ITSN1: variants seen among roughly 807,000 people sequenced by gnomAD.
The protein encoded by ITSN1 is intersectin 1.
ITSN1 carries 58 observed loss-of-function variants against 239.8 expected under a neutral mutation model. The observed-to-expected ratio is 0.24, with a 90% CI of 0.20 to 0.30. The LOEUF (loss-of-function observed/expected upper bound fraction) is 0.30, where lower values mean the gene tolerates loss of function less well. Ranked by LOEUF, ITSN1 falls within the 10% of genes least tolerant of loss-of-function variation. ITSN1 has a pLI of 1.00. For synonymous variants in ITSN1, 780 were observed against 770.8 expected (o/e 1.01, Z -0.20); for missense variants, 1,558 against 2,103.3 (o/e 0.74, Z 5.07).
At chr21:33,788,236 A>G (rs781560924) in intron 16 of ITSN1, among the ~76,000 whole-genome samples, 82 of 152,088 alleles carry the variant, frequency 5.4e-4, no homozygotes, top group Non-Finnish European at 9.3e-4. Flanking sequence ...ACCTATTACT[A>G]TTGCAGAGAG....
rs777504321 is a variant in ITSN1 at position 33,665,931 on chromosome 21, CT to C, written c.-33+23233del. 9.8e-3 allele frequency among the ~76,000 whole-genome samples: 1,366 copies of C among 139,222 alleles called. 8 individuals carry two copies. The highest frequency in any genetic ancestry group is 0.025 in the African/African-American group (961 of 38,392). The allele number at this position is 139,222 out of a possible 152,430, so 91.3% of individuals were successfully genotyped here. ...AAGAAGGCAATATACTGTATGGTTC[CT>C]TTTTTTTTTTTTTTGAGAGGGAGTC... On this transcript the variant is annotated intron_variant, in intron 1 of 39. Transcript: ENST00000381318.
At chr21:33,729,350 G>A (rs897667688) in intron 4 of ITSN1, among the ~76,000 whole-genome samples, 3 of 151,962 alleles carry the variant, frequency 2.0e-5, no homozygotes, top group Admixed American at 2.0e-4. Flanking sequence ...CTCAGAGGAT[G>A]GGGTGGGAGG....
At chr21:33,883,700 C>A (rs201757486) in intron 36 of ITSN1, 29 bp downstream of exon 36, 3 of 1,607,996 alleles carry the variant, frequency 1.9e-6, no homozygotes, top group Non-Finnish European at 1.7e-6. Context: ...CCAGCATGGG[C>A]CCCAGGGCTC....
chr21:33,855,770 C>T (rs1979207032), intron 29 of ITSN1, among the ~76,000 whole-genome samples: 1 of 152,258 alleles, frequency 6.6e-6, no homozygotes, highest in Admixed American at 6.5e-5. Flanking sequence ...TTGTGCCAGG[C>T]TCTCTGCAGT....
intron 1 of ITSN1, among the ~76,000 whole-genome samples, chr21:33,661,552 G>A (rs999400652): frequency 2.0e-5 from 3 of 152,056 alleles, no homozygotes; most frequent in Non-Finnish European, 2.9e-5. Flanking sequence ...TTGTATCAGT[G>A]TAAATAAAAT....
At chr21:33,746,990 C>T (rs2067222627) in intron 5 of ITSN1, among the ~76,000 whole-genome samples, 1 of 152,150 alleles carries the variant, frequency 6.6e-6, no homozygotes, top group Non-Finnish European at 1.5e-5. Context: ...CCCGTCTCTA[C>T]TAAAAATGCA....
intron 1 of ITSN1, among the ~76,000 whole-genome samples, chr21:33,665,426 A>G (rs889183608): frequency 9.2e-5 from 14 of 152,224 alleles, no homozygotes; most frequent in African/African-American, 3.4e-4. Context: ...AATCAAAACT[A>G]TGAGAATACC....
At chr21:33,848,729 G>C (rs530927814) in intron 29 of ITSN1, among the ~76,000 whole-genome samples, 3 of 152,168 alleles carry the variant, frequency 2.0e-5, no homozygotes, top group Non-Finnish European at 4.4e-5. Flanking sequence ...TCACCATCAC[G>C]CAGAGACTGC....
intron 29 of ITSN1, chr21:33,838,049 T>A (rs779301393): frequency 1.0e-6 from 1 of 985,736 alleles, no homozygotes; most frequent in Non-Finnish European, 1.2e-6. Flanking sequence ...TTACATTTTT[T>A]AACTAGACTG....
At chr21:33,645,733 G>A (rs1255913930) in intron 1 of ITSN1, among the ~76,000 whole-genome samples, 1 of 152,176 alleles carries the variant, frequency 6.6e-6, no homozygotes, top group Non-Finnish European at 1.5e-5. Flanking sequence ...AGCTAGAGGT[G>A]GGGCCCTGGA....
chr21:33,899,513 T>C lies in ITSN1; in HGVS notation c.*11213T>C, dbSNP rs1986978605. The C allele has an allele frequency of 1.3e-5, 2 of 152,242 alleles. No individual in the cohort carries two copies. The highest frequency in any genetic ancestry group is 4.8e-5 in the African/African-American group (2 of 41,458). 9.4% of individuals were successfully genotyped at this position (152,242 alleles called of 1,614,324 possible). The stretch of plus-strand genomic sequence containing the variant: ...GAATTCTAAGAATTACTAGACACTA[T>C]TATAAATTGTAGACTTACGTATTTG... On this transcript the variant is annotated 3_prime_UTR_variant, in exon 40 of 40. Coordinates refer to ENST00000381318, the MANE Select transcript of ITSN1 (RefSeq NM_003024.3).
intron 1 of ITSN1, among the ~76,000 whole-genome samples, chr21:33,682,204 CCTTT>C (rs1486683444): frequency 6.6e-6 from 1 of 150,768 alleles, no homozygotes; most frequent in African/African-American, 2.4e-5. Context: ...CTATATAATT[CCTTT>C]CTTTCTTTTC....
At chr21:33,814,144 T>C in intron 22 of ITSN1, 72 bp downstream of exon 22, 1 of 1,519,802 alleles carries the variant, frequency 6.6e-7, no homozygotes, top group African/African-American at 1.4e-5. Flanking sequence ...AAATGCTTTT[T>C]GGCAATGTCA....
chr21:33,878,008 TTGTGTGTGTGTGTG>T (rs71194867), intron 34 of ITSN1, among the ~76,000 whole-genome samples: 52 of 140,200 alleles, frequency 3.7e-4, no homozygotes, highest in Non-Finnish European at 5.8e-4. Context: ...CTCTCTCTCT[TTGTGTGTGTGTGTG>T]TGTGTGTGTG....
intron 8 of ITSN1, among the ~76,000 whole-genome samples, chr21:33,758,629 T>A (rs1022599860): frequency 2.0e-5 from 3 of 152,356 alleles, no homozygotes; most frequent in Non-Finnish European, 2.9e-5. Flanking sequence ...TAGCCCTTCT[T>A]CTCAAAGAGG....
intron 1 of ITSN1, among the ~76,000 whole-genome samples, chr21:33,664,778 A>C (rs1317221224): frequency 6.6e-6 from 1 of 152,176 alleles, no homozygotes; most frequent in African/African-American, 2.4e-5. Flanking sequence ...CCAAGCCTGG[A>C]ATTTATAATT....
intron 16 of ITSN1, among the ~76,000 whole-genome samples, chr21:33,791,088 G>A (rs1318959915): frequency 2.0e-5 from 3 of 152,002 alleles, no homozygotes; most frequent in African/African-American, 7.3e-5. Context: ...TTGCCTTCTC[G>A]GAAGTTCAAC....
At chr21:33,742,116 G>A (rs2066897746) in intron 5 of ITSN1, among the ~76,000 whole-genome samples, 1 of 150,554 alleles carries the variant, frequency 6.6e-6, no homozygotes, top group Non-Finnish European at 1.5e-5. Context: ...GAGTGCAGTG[G>A]CACCTTCTCG....
At chr21:33,822,580 G>A (rs2073750015) in intron 24 of ITSN1, among the ~76,000 whole-genome samples, 1 of 152,094 alleles carries the variant, frequency 6.6e-6, no homozygotes, top group Non-Finnish European at 1.5e-5. Flanking sequence ...AGTGTGATTT[G>A]GTTCTAAGCC....
Sources: allele counts gnomAD v4.1 joint callset (sites outside exome capture counted in the v4.1 genomes callset), GRCh38; gene constraint gnomAD v4.1.1; transcripts MANE v1.5; gene names NCBI Gene and HGNC (gene_info 2026-07-23, HGNC 2026-07-21).